Variants in POT1 observed in about 807,000 individuals in gnomAD.
POT1 encodes the protein protection of telomeres protein 1.
In POT1, 47 loss-of-function variants were observed where a neutral mutation model predicts 78.5. The observed-to-expected ratio is 0.60, with a 90% CI of 0.47 to 0.76. POT1 has a LOEUF of 0.76. POT1 is among the 30% of genes least tolerant of loss of function. The pLI is 0.00. For missense variants in POT1, 646 were observed against 749.9 expected (o/e 0.86, Z 1.62); for synonymous variants, 259 against 260.7 (o/e 0.99, Z 0.06).
In POT1 at chr7:124,851,857, A is replaced by G. The variant is rs934805114; in HGVS notation, c.949+15T>C. On this transcript the variant is annotated intron_variant, in intron 11 of 18. Coordinates refer to ENST00000357628, the MANE Select transcript of POT1 (RefSeq NM_015450.3). ...TAGCAAGAACTAAACTGTCAATGTT[A>G]AAGATTATCCTTACTTGGAAAGCTG... The G allele has an allele frequency of 3.3e-5, 51 of 1,548,818 alleles. No homozygotes were observed. Among genetic ancestry groups the G allele is most frequent in the Non-Finnish European group, 4.5e-5 (51 of 1,121,328 alleles).
intron 11 of POT1, among the ~76,000 whole-genome samples, chr7:124,851,287 A>C (rs1301077964): frequency 2.0e-5 from 3 of 152,100 alleles, no homozygotes; most frequent in Non-Finnish European, 4.4e-5. Flanking sequence ...TGGTCGCCAG[A>C]GCAAGACACT....
At chr7:124,888,424 AG>A (rs1796296500) in intron 6 of POT1, among the ~76,000 whole-genome samples, 1 of 152,072 alleles carries the variant, frequency 6.6e-6, no homozygotes, top group Admixed American at 6.6e-5. Context: ...GATCTTTCTC[AG>A]GATTCTTTTG....
chr7:124,859,758 A>G (rs1043244006), intron 8 of POT1, among the ~76,000 whole-genome samples: 1 of 151,366 alleles, frequency 6.6e-6, no homozygotes, highest in Non-Finnish European at 1.5e-5. Flanking sequence ...CACACAAAAG[A>G]TAAGGCCGCA....
chr7:124,842,689 G>A (rs1199173206), intron 13 of POT1, 118 bp downstream of exon 13: 1 of 761,172 alleles, frequency 1.3e-6, no homozygotes, highest in Non-Finnish European at 1.8e-6. Flanking sequence ...TACCATTCTT[G>A]CAAAATATAA....
At chr7:124,927,361 A>G (rs1797299106) in intron 2 of POT1, among the ~76,000 whole-genome samples, 1 of 152,188 alleles carries the variant, frequency 6.6e-6, no homozygotes, top group Admixed American at 6.5e-5. Context: ...TCAGCCACTT[A>G]CTGGCTATTA....
At chr7:124,895,859 G>T (rs1260947122) in intron 5 of POT1, among the ~76,000 whole-genome samples, 1 of 151,544 alleles carries the variant, frequency 6.6e-6, no homozygotes, top group African/African-American at 2.4e-5. Context: ...ACAAGATTAG[G>T]TTGAATAAAA....
intron 2 of POT1, among the ~76,000 whole-genome samples, chr7:124,926,765 T>C (rs1378965329): frequency 6.6e-6 from 1 of 152,218 alleles, no homozygotes; most frequent in Non-Finnish European, 1.5e-5. Context: ...TGAAATTATG[T>C]CTTTTGCAGC....
intron 7 of POT1, among the ~76,000 whole-genome samples, chr7:124,866,126 C>T (rs555574579): frequency 6.6e-6 from 1 of 152,170 alleles, no homozygotes; most frequent in South Asian, 2.1e-4. Context: ...TGTTTTTATG[C>T]TTTGTTAGGG....
chr7:124,921,915 G>T lies in POT1; in HGVS notation c.-226-6269C>A, dbSNP rs561975791. Among the ~76,000 whole-genome samples the T allele has an allele frequency of 2.0e-5, 3 of 152,064 alleles. No individual in the cohort carries two copies. In the East Asian group the frequency reaches 5.8e-4, roughly 29 times the overall value. On this transcript the variant is annotated intron_variant, in intron 2 of 18. Transcript: ENST00000357628. ...TATTATACAATAATTTCCCAAATTT[G>T]ATGAAAAATACTGAATGAATCCAAG...
At chr7:124,831,148 G>A (rs1794748962) in intron 15 of POT1, among the ~76,000 whole-genome samples, 1 of 152,112 alleles carries the variant, frequency 6.6e-6, no homozygotes, top group African/African-American at 2.4e-5. Context: ...CAAAATTAAT[G>A]CCAAGTATCA....
At chr7:124,824,273 T>C (rs983745350) in intron 18 of POT1, among the ~76,000 whole-genome samples, 199 bp from the exon 19 acceptor site, 3 of 151,812 alleles carry the variant, frequency 2.0e-5, no homozygotes, top group African/African-American at 7.3e-5. Context: ...TTTGGAGCAA[T>C]TGTGACTAAT....
chr7:124,833,773 T>C (rs775418550), intron 15 of POT1, among the ~76,000 whole-genome samples: 15 of 152,168 alleles, frequency 9.9e-5, no homozygotes, highest in African/African-American at 2.9e-4. Context: ...GCCTCACACA[T>C]TGCGTGTACT....
At chr7:124,886,104 A>G (rs1796238115) in intron 6 of POT1, among the ~76,000 whole-genome samples, 1 of 152,210 alleles carries the variant, frequency 6.6e-6, no homozygotes, top group African/African-American at 2.4e-5. Context: ...GGATAAGAGC[A>G]AAGAAAAATT....
intron 2 of POT1, among the ~76,000 whole-genome samples, chr7:124,916,274 T>C (rs1397061817): frequency 1.3e-5 from 2 of 152,182 alleles, no homozygotes; most frequent in Non-Finnish European, 2.9e-5. Flanking sequence ...CAATTTTACT[T>C]ATAAAATAGG....
At chr7:124,857,372 C>T (rs115629314) in intron 9 of POT1, among the ~76,000 whole-genome samples, 2,602 of 152,264 alleles carry the variant, frequency 0.017, 73 homozygotes, top group African/African-American at 0.059. Context: ...AGGGCAGGTC[C>T]CCAGCAAGGA....
intron 14 of POT1, among the ~76,000 whole-genome samples, chr7:124,840,432 T>C (rs980131241): frequency 4.0e-5 from 6 of 151,552 alleles, no homozygotes; most frequent in Non-Finnish European, 8.8e-5. Context: ...AAATTTGCCA[T>C]GAAAAAAAAT....
chr7:124,823,254 T>C lies in POT1; in HGVS notation c.*708A>G, dbSNP rs1794548417. ...AACTTAGGGCAAATAAATGAAACAGTTGAAATGTGTGCACTTATTTATTCT... is the reference window on the plus strand; with the variant it reads ...AACTTAGGGCAAATAAATGAAACAGCTGAAATGTGTGCACTTATTTATTCT... On this transcript the variant is annotated 3_prime_UTR_variant, in exon 19 of 19. Transcript: ENST00000357628. The C allele has an allele frequency of 6.6e-6, 1 of 152,068 alleles. No homozygotes were observed. The highest frequency in any genetic ancestry group is 2.4e-5 in the African/African-American group (1 of 41,446). 9.4% of individuals were successfully genotyped at this position (152,068 alleles called of 1,614,324 possible). A position where few individuals can be genotyped will look rare whatever the true frequency, so the allele number is the denominator to read the frequency against.
intron 6 of POT1, among the ~76,000 whole-genome samples, chr7:124,873,046 T>C (rs558109135): frequency 2.0e-5 from 3 of 152,234 alleles, no homozygotes; most frequent in Non-Finnish European, 2.9e-5. Flanking sequence ...AACCATCTAG[T>C]TGAGTTCCTC....
chr7:124,844,714 G>C (rs1346540106), intron 12 of POT1, among the ~76,000 whole-genome samples: 48 of 127,106 alleles, frequency 3.8e-4, no homozygotes, highest in African/African-American at 1.3e-3. Flanking sequence ...CAGCCTGGGC[G>C]ACAGCGAGAC....
Sources: allele counts gnomAD v4.1 joint callset (sites outside exome capture counted in the v4.1 genomes callset), GRCh38; gene constraint gnomAD v4.1.1; transcripts MANE v1.5; gene names NCBI Gene and HGNC (gene_info 2026-07-23, HGNC 2026-07-21).